Variants in SPAG16 observed in about 807,000 individuals in gnomAD.
SPAG16 encodes sperm-associated antigen 16 protein.
A neutral mutation model predicts 80.4 loss-of-function variants in SPAG16; 86 were observed. The ratio of observed to expected loss-of-function variants is 1.07; its 90% CI spans 0.90 to 1.28. SPAG16 has a LOEUF of 1.28. Ranked by LOEUF, SPAG16 falls within the 50% of genes most tolerant of loss-of-function variation. The pLI is 0.00. For synonymous variants in SPAG16, 294 were observed against 265.9 expected, an observed-to-expected ratio of 1.11 and a Z score of -1.03; for missense variants, 870 against 765.3, an observed-to-expected ratio of 1.14 and a Z score of -1.61.
chr2:213,875,644 C>T (rs557835340), intron 11 of SPAG16, among the ~76,000 whole-genome samples: 17 of 152,226 alleles, frequency 1.1e-4, no homozygotes, highest in African/African-American at 3.6e-4. Flanking sequence ...CCAGACTCTG[C>T]GGAATTGAGA....
chr2:213,880,008 G>C (rs1323891890), intron 11 of SPAG16, among the ~76,000 whole-genome samples: 3 of 152,120 alleles, frequency 2.0e-5, no homozygotes, highest in African/African-American at 4.8e-5. Context: ...CCAGTAATAA[G>C]ATAGCTAGGT....
chr2:214,183,624 A>G (rs1376484767), intron 15 of SPAG16, among the ~76,000 whole-genome samples: 3 of 152,076 alleles, frequency 2.0e-5, no homozygotes, highest in Non-Finnish European at 4.4e-5. Flanking sequence ...GTTACATGGC[A>G]AACCATGATG....
At chr2:213,554,142 A>G (rs1427035199) in intron 10 of SPAG16, among the ~76,000 whole-genome samples, 1 of 152,196 alleles carries the variant, frequency 6.6e-6, no homozygotes, top group African/African-American at 2.4e-5. Flanking sequence ...CTTCTCTGGT[A>G]TGAGAAAAGG....
At chr2:213,865,520 A>G (rs1009871144) in intron 11 of SPAG16, among the ~76,000 whole-genome samples, 1 of 151,536 alleles carries the variant, frequency 6.6e-6, no homozygotes, top group Non-Finnish European at 1.5e-5. Flanking sequence ...ATAAGAAAAA[A>G]AGAAAATAAG....
intron 10 of SPAG16, among the ~76,000 whole-genome samples, chr2:213,692,197 A>T (rs2064970270): frequency 6.6e-6 from 1 of 152,218 alleles, no homozygotes; most frequent in Non-Finnish European, 1.5e-5. Flanking sequence ...AATGAAAAAG[A>T]TACCTAATTA....
At chr2:213,454,597 A>G (rs1451329261) in intron 9 of SPAG16, among the ~76,000 whole-genome samples, 1 of 152,116 alleles carries the variant, frequency 6.6e-6, no homozygotes, top group Non-Finnish European at 1.5e-5. Context: ...CTTAATCAAA[A>G]TTTTCCAAGA....
intron 15 of SPAG16, among the ~76,000 whole-genome samples, chr2:214,275,538 A>C (rs1692400943): frequency 2.0e-5 from 3 of 152,094 alleles, no homozygotes; most frequent in African/African-American, 7.2e-5. Context: ...TTCTGCCTTC[A>C]TTTCATTATT....
intron 10 of SPAG16, among the ~76,000 whole-genome samples, chr2:213,535,524 CT>C (rs1329821724): frequency 1.3e-5 from 2 of 152,056 alleles, no homozygotes; most frequent in Non-Finnish European, 2.9e-5. Context: ...TTAAAACAAA[CT>C]TTTTTGTAAT....
At chr2:213,992,107 T>C (rs985377681) in intron 12 of SPAG16, among the ~76,000 whole-genome samples, 1 of 152,178 alleles carries the variant, frequency 6.6e-6, no homozygotes, top group Non-Finnish European at 1.5e-5. Context: ...TTTTAATTTT[T>C]AGCCTAAAAC....
intron 15 of SPAG16, among the ~76,000 whole-genome samples, chr2:214,372,116 A>G (rs1452939728): frequency 7.9e-5 from 12 of 152,156 alleles, no homozygotes. Flanking sequence ...TAAAATTGAT[A>G]TATCAGGTAA....
At chr2:213,788,996 A>G (rs1300652656) in intron 10 of SPAG16, among the ~76,000 whole-genome samples, 1 of 151,980 alleles carries the variant, frequency 6.6e-6, no homozygotes, top group Non-Finnish European at 1.5e-5. Flanking sequence ...GATGAAAAAC[A>G]GGAGTCTGAA....
At chr2:214,115,451 C>T (rs187603169) in intron 14 of SPAG16, among the ~76,000 whole-genome samples, 8 of 152,282 alleles carry the variant, frequency 5.3e-5, no homozygotes, top group Admixed American at 2.0e-4. Context: ...TAGCTATTTA[C>T]ATAAACATAG....
chr2:213,646,792 GA>G (rs2062839680), intron 10 of SPAG16, among the ~76,000 whole-genome samples: 1 of 152,140 alleles, frequency 6.6e-6, no homozygotes, highest in South Asian at 2.1e-4. Context: ...GTGTACTCTG[GA>G]AACAGCAGGT....
In SPAG16 at chr2:213,801,705, C is replaced by T. The variant is rs370532583; in HGVS notation, c.1071-60780C>T. ...TAGGAACAGAGACTCTGAGATGGAA[C>T]TTTGAGAATGCTGAATTTTCAATCT... On this transcript the variant is annotated intron_variant, in intron 10 of 15. Transcript: ENST00000331683. Among the ~76,000 whole-genome samples, 32 of 152,244 alleles carry T rather than the reference C, an allele frequency of 2.1e-4. No individual in the cohort carries two copies. In the East Asian group the frequency reaches 4.4e-3, roughly 21 times the overall value.
chr2:214,156,753 C>T (rs1424390101), intron 15 of SPAG16, among the ~76,000 whole-genome samples: 1 of 152,046 alleles, frequency 6.6e-6, no homozygotes, highest in East Asian at 1.9e-4. Context: ...ATAGTCCTGC[C>T]CCTGTACTCT....
chr2:213,376,919 C>A (rs574863907), intron 9 of SPAG16, among the ~76,000 whole-genome samples: 19 of 152,242 alleles, frequency 1.2e-4, no homozygotes, highest in African/African-American at 4.3e-4. Flanking sequence ...TTAAAGATTT[C>A]TCTTTTATAA....
intron 15 of SPAG16, among the ~76,000 whole-genome samples, chr2:214,236,163 A>T (rs1167781141): frequency 6.6e-6 from 1 of 152,220 alleles, no homozygotes; most frequent in Non-Finnish European, 1.5e-5. Context: ...TTGCTAACTC[A>T]GATCAATTAG....
At position 213,301,449 on chromosome 2, in the gene SPAG16, C is replaced by T. The variant is rs189631189; in HGVS notation, c.279+4092C>T. On this transcript the variant is annotated intron_variant, in intron 3 of 15. Transcript: ENST00000331683. ...GTTGTCAAAGGAACTCACATTAAAACAGTTCAAAATTTGTCAAGATACTTA... is the reference window on the plus strand; with the variant it reads ...GTTGTCAAAGGAACTCACATTAAAATAGTTCAAAATTTGTCAAGATACTTA... 5.3e-5 allele frequency among the ~76,000 whole-genome samples: 8 copies of T among 152,266 alleles called. No individual in the cohort carries two copies. In the East Asian group the frequency reaches 5.8e-4, roughly 11 times the overall value.
At chr2:213,910,343 A>G (rs909489510) in intron 11 of SPAG16, among the ~76,000 whole-genome samples, 4 of 152,224 alleles carry the variant, frequency 2.6e-5, no homozygotes, top group African/African-American at 9.6e-5. Flanking sequence ...ATTACTTTTT[A>G]CTGAAGATTT....
Sources: gnomAD v4.1 joint callset for allele counts (sites outside exome capture counted in the v4.1 genomes callset) on GRCh38, gnomAD v4.1.1 for gene constraint, MANE v1.5 for transcripts, NCBI Gene and HGNC (gene_info 2026-07-23, HGNC 2026-07-21) for gene names.